SMARCA1: variants seen among roughly 807,000 people sequenced by gnomAD.
SMARCA1 encodes SNF2 related chromatin remodeling ATPase 1.
In SMARCA1, 17 loss-of-function variants were observed where a neutral mutation model predicts 93.6. The observed-to-expected ratio is 0.18, with a 90% CI of 0.12 to 0.27. The LOEUF (loss-of-function observed/expected upper bound fraction) is 0.27, where lower values mean the gene tolerates loss of function less well. Among genes scored for constraint, SMARCA1 ranks in the 10% least tolerant of loss-of-function variants. The pLI is 1.00. For missense variants in SMARCA1, 630 were observed against 819.0 expected (o/e 0.77, Z 2.82); for synonymous variants, 271 against 271.4 (o/e 1.00, Z 0.01).
At chrX:129,478,350 T>TA (rs1933484478) in intron 19 of SMARCA1, among the ~76,000 whole-genome samples, 1 of 112,151 alleles carries the variant, frequency 8.9e-6, no homozygotes, top group African/African-American at 3.2e-5. Context: ...TATTACACTT[T>TA]AAAAAAAGGT....
intron 21 of SMARCA1, 123 bp from the exon 22 acceptor site, chrX:129,466,085 GATTAATCTTATAT>G (rs926610562): frequency 9.3e-6 from 3 of 323,556 alleles, no homozygotes; most frequent in African/African-American, 5.5e-5. Flanking sequence ...TTAAGATTCA[GATTAATCTTATAT>G]ATATAATATG....
intron 7 of SMARCA1, among the ~76,000 whole-genome samples, chrX:129,506,563 G>A (rs1461608870): frequency 9.2e-6 from 1 of 108,245 alleles, no homozygotes; most frequent in African/African-American, 3.4e-5. Context: ...GGTGGTGCAC[G>A]CCTTTAATTC....
chrX:129,485,468 T>C (rs1933852773), intron 17 of SMARCA1, among the ~76,000 whole-genome samples: 1 of 112,297 alleles, frequency 8.9e-6, no homozygotes, highest in African/African-American at 3.2e-5. Context: ...GCATTGAGAC[T>C]GAGATGAGAC....
intron 5 of SMARCA1, 131 bp from the exon 6 acceptor site, chrX:129,512,114 G>A: frequency 2.1e-6 from 1 of 486,831 alleles, no homozygotes; most frequent in African/African-American, 2.4e-5. Flanking sequence ...CCAATGAAAA[G>A]TAAAAATACC....
intron 16 of SMARCA1, among the ~76,000 whole-genome samples, chrX:129,487,723 G>C (rs1933953019): frequency 8.9e-6 from 1 of 112,106 alleles, no homozygotes; most frequent in Non-Finnish European, 1.9e-5. Context: ...GGGGCCTATA[G>C]ATTTTAAAAG....
intron 5 of SMARCA1, among the ~76,000 whole-genome samples, chrX:129,515,339 C>T (rs1935158294): frequency 1.8e-5 from 2 of 109,664 alleles, no homozygotes; most frequent in East Asian, 2.9e-4. Flanking sequence ...GTGTGGGTGA[C>T]GTGGCGAGAC....
chrX:129,523,012 C>A (rs1935464625), intron 1 of SMARCA1, among the ~76,000 whole-genome samples, 185 bp downstream of exon 1: 1 of 111,070 alleles, frequency 9.0e-6, no homozygotes, highest in East Asian at 2.9e-4. Flanking sequence ...GTCCTCCAGG[C>A]GGCGAGAAGG....
chrX:129,521,057 G>T (rs769777445), intron 1 of SMARCA1, among the ~76,000 whole-genome samples: 3,625 of 103,861 alleles, frequency 0.035, 69 homozygotes, highest in Non-Finnish European at 0.045. Context: ...TTTTTTTTTT[G>T]GTATTTTTAG....
At chrX:129,458,336 T>C (rs1347137421) in intron 23 of SMARCA1, among the ~76,000 whole-genome samples, 1 of 112,531 alleles carries the variant, frequency 8.9e-6, no homozygotes, top group Non-Finnish European at 1.9e-5. Flanking sequence ...AGTTTCCAAG[T>C]CCTGTTTTAA....
chrX:129,499,188 C>T (rs1934457809), intron 10 of SMARCA1, among the ~76,000 whole-genome samples: 2 of 111,029 alleles, frequency 1.8e-5, no homozygotes, highest in African/African-American at 6.6e-5. Context: ...CAGGTGTGTG[C>T]CACAATGCCC....
intron 19 of SMARCA1, among the ~76,000 whole-genome samples, chrX:129,478,915 C>T (rs998746874): frequency 1.8e-5 from 2 of 111,560 alleles, no homozygotes; most frequent in African/African-American, 3.3e-5. Flanking sequence ...CTGAGCGGAA[C>T]GAATAGAACA....
intron 23 of SMARCA1, 53 bp downstream of exon 23, chrX:129,465,467 G>C (rs1040074278): frequency 4.6e-6 from 4 of 873,123 alleles, no homozygotes; most frequent in Non-Finnish European, 6.6e-6. Flanking sequence ...TATGGCATCT[G>C]AAATTTTTCA....
At chrX:129,491,076 C>T (rs2124276745) in intron 14 of SMARCA1, among the ~76,000 whole-genome samples, 1 of 111,520 alleles carries the variant, frequency 9.0e-6, no homozygotes, top group East Asian at 2.8e-4. Context: ...TCAATACCAT[C>T]GTAATGCAAT....
At chrX:129,485,788 T>A (rs1933863906) in intron 17 of SMARCA1, among the ~76,000 whole-genome samples, 1 of 111,146 alleles carries the variant, frequency 9.0e-6, no homozygotes, top group Admixed American at 9.5e-5. Context: ...ATTTCCCTCC[T>A]CTCTCTGGTA....
At chrX:129,512,098 T>C in intron 5 of SMARCA1, 115 bp from the exon 6 acceptor site, 1 of 542,054 alleles carries the variant, frequency 1.8e-6, no homozygotes, top group Non-Finnish European at 3.0e-6. Context: ...GGCAATTATG[T>C]TTCTACCAAT....
chrX:129,451,700 ATT>A (rs772285996), intron 23 of SMARCA1, among the ~76,000 whole-genome samples: 1,685 of 81,274 alleles, frequency 0.021, 7 homozygotes, highest in Non-Finnish European at 0.026. Flanking sequence ...TACCAGCTCC[ATT>A]TTTTTTTTTT....
chrX:129,485,931 G>A (rs1300649915), intron 17 of SMARCA1, among the ~76,000 whole-genome samples: 1 of 111,259 alleles, frequency 9.0e-6, no homozygotes, highest in Admixed American at 9.6e-5. Flanking sequence ...CTTACAGCCT[G>A]TAGAACCATG....
At chrX:129,487,624 C>T (rs1182738380) in intron 16 of SMARCA1, among the ~76,000 whole-genome samples, 1 of 111,957 alleles carries the variant, frequency 8.9e-6, no homozygotes, top group Non-Finnish European at 1.9e-5. Context: ...ATGAAATCAG[C>T]AAAATCCACA....
Position 129,465,781 on chromosome X carries a change from G to T in SMARCA1, c.2818-49C>A, listed in dbSNP as rs1386908120. ...CTTTTAATTGAATGTGCAGTAAGAA[G>T]TCAAAGCTGACCACTATTTCAATTA... On this transcript the variant is annotated intron_variant, in intron 22 of 24. Coordinates refer to ENST00000371121, the MANE Select transcript of SMARCA1 (RefSeq NM_001282874.2). 2.8e-6 allele frequency: 3 copies of T among 1,057,207 alleles called. No homozygotes were observed. The Admixed American group carries it at 8.4e-5, about 30-fold the overall frequency. The allele number at this position is 1,057,207 out of a possible 1,213,427, so 87.1% of individuals were successfully genotyped here. A position where few individuals can be genotyped will look rare whatever the true frequency, so the allele number is the denominator to read the frequency against.
Sources: allele counts gnomAD v4.1 joint callset (sites outside exome capture counted in the v4.1 genomes callset), GRCh38; gene constraint gnomAD v4.1.1; transcripts MANE v1.5; gene names NCBI Gene and HGNC (gene_info 2026-07-23, HGNC 2026-07-21).